Variants in NFATC2 observed in about 807,000 individuals in gnomAD.
The protein encoded by NFATC2 is nuclear factor of activated T-cells, cytoplasmic 2.
In NFATC2, 22 loss-of-function variants were observed where a neutral mutation model predicts 87.3. That is an observed-to-expected ratio of 0.25 (90% CI 0.18 to 0.36). NFATC2 has a LOEUF of 0.36. NFATC2 is among the 10% of genes least tolerant of loss of function. NFATC2 has a pLI of 1.00. For synonymous variants in NFATC2, 565 were observed against 542.2 expected (o/e 1.04, Z -0.58); for missense variants, 1,149 against 1,259.1 (o/e 0.91, Z 1.32).
At chr20:51,493,407 C>G (rs3787193) in intron 3 of NFATC2, among the ~76,000 whole-genome samples, 95,830 of 152,014 alleles carry the variant, frequency 0.63, 32,246 homozygotes, top group African/African-American at 0.88. Context: ...GATTGGCGAC[C>G]TCACATTGCA....
At chr20:51,400,307 CTCAGGCA>C (rs887181670) in intron 9 of NFATC2, among the ~76,000 whole-genome samples, 3 of 152,180 alleles carry the variant, frequency 2.0e-5, no homozygotes, top group Non-Finnish European at 4.4e-5. Flanking sequence ...TTCAGTGGAT[CTCAGGCA>C]TCAGGCACAG....
At chr20:51,492,636 G>A (rs1416897577) in intron 3 of NFATC2, among the ~76,000 whole-genome samples, 1 of 152,174 alleles carries the variant, frequency 6.6e-6, no homozygotes, top group East Asian at 1.9e-4. Context: ...GCTGGCACCC[G>A]CCCGGGCCCG....
At chr20:51,397,698 C>T (rs1237569110) in intron 10 of NFATC2, among the ~76,000 whole-genome samples, 1 of 152,140 alleles carries the variant, frequency 6.6e-6, no homozygotes, top group African/African-American at 2.4e-5. Flanking sequence ...CTCCTCCCCC[C>T]AGGGCTTCCT....
At chr20:51,494,153 G>A (rs2075948413) in intron 3 of NFATC2, among the ~76,000 whole-genome samples, 1 of 151,832 alleles carries the variant, frequency 6.6e-6, no homozygotes, top group African/African-American at 2.4e-5. Flanking sequence ...TTGGTTATGA[G>A]TCCTCTTTTG....
intron 9 of NFATC2, among the ~76,000 whole-genome samples, chr20:51,412,453 G>A (rs528686126): frequency 2.6e-5 from 4 of 152,326 alleles, no homozygotes; most frequent in African/African-American, 9.6e-5. Flanking sequence ...GCCAGGGGGT[G>A]GGCAGGAGCA....
At chr20:51,452,035 G>A (rs1178106731) in intron 6 of NFATC2, among the ~76,000 whole-genome samples, 1 of 152,180 alleles carries the variant, frequency 6.6e-6, no homozygotes, top group Non-Finnish European at 1.5e-5. Flanking sequence ...TGTCTTCCAT[G>A]CAACTGGTCC....
chr20:51,510,024 G>A (rs1260040389), intron 3 of NFATC2, among the ~76,000 whole-genome samples: 2 of 152,220 alleles, frequency 1.3e-5, no homozygotes, highest in Non-Finnish European at 2.9e-5. Flanking sequence ...TTTTCCACAT[G>A]TCTGAACATC....
chr20:51,473,953 A>C, intron 5 of NFATC2, 27 bp downstream of exon 5: 1 of 1,605,862 alleles, frequency 6.2e-7, no homozygotes, highest in Non-Finnish European at 8.5e-7. Context: ...TTTCTGAAGA[A>C]AGACCGGGCC....
At chr20:51,526,774 C>G (rs2076552326) in intron 1 of NFATC2, among the ~76,000 whole-genome samples, 1 of 152,084 alleles carries the variant, frequency 6.6e-6, no homozygotes, top group African/African-American at 2.4e-5. Context: ...AATGGCTCCC[C>G]ACAGCTCTTA....
chr20:51,424,825 A>G (rs1383719450), intron 9 of NFATC2, among the ~76,000 whole-genome samples: 1 of 151,200 alleles, frequency 6.6e-6, no homozygotes, highest in African/African-American at 2.4e-5. Flanking sequence ...ATACATGTGT[A>G]TTTGCATATG....
At chr20:51,555,531 T>A (rs2076970947) in intron 1 of NFATC2, among the ~76,000 whole-genome samples, 1 of 151,584 alleles carries the variant, frequency 6.6e-6, no homozygotes, top group African/African-American at 2.4e-5. Context: ...AGGCAGAGCT[T>A]ACAGTAAGCT....
chr20:51,393,263 C>CA (rs11086332), intron 10 of NFATC2, among the ~76,000 whole-genome samples: 84,988 of 151,848 alleles, frequency 0.56, 24,151 homozygotes, highest in East Asian at 0.68. Flanking sequence ...GCCTTGGTGA[C>CA]AAAACCACTC....
chr20:51,547,647 A>G (rs958257793), upstream of NFATC2, among the ~76,000 whole-genome samples: 7 of 152,176 alleles, frequency 4.6e-5, no homozygotes, highest in Admixed American at 6.5e-5. Flanking sequence ...CTCAGTGTGA[A>G]TGTGTCCAAA....
chr20:51,470,622 C>T (rs1988116063), intron 5 of NFATC2, among the ~76,000 whole-genome samples: 2 of 152,232 alleles, frequency 1.3e-5, no homozygotes, highest in South Asian at 4.1e-4. Flanking sequence ...CACCAACTCA[C>T]TCTCCCTGTC....
intron 3 of NFATC2, among the ~76,000 whole-genome samples, chr20:51,485,231 G>A (rs909146289): frequency 3.3e-5 from 5 of 152,292 alleles, no homozygotes; most frequent in East Asian, 1.9e-4. Context: ...AGGACCAAAC[G>A]CTGCACCCCA....
intron 9 of NFATC2, among the ~76,000 whole-genome samples, chr20:51,400,891 C>CTAGTCCTGGGCTAGG (rs2146238903): frequency 6.6e-6 from 1 of 152,290 alleles, no homozygotes; most frequent in Non-Finnish European, 1.5e-5. Flanking sequence ...TCTATGGGTA[C>CTAGTCCTGGGCTAGG]TAGTCCTGGG....
At chr20:51,398,467 G>A (rs557623126) in intron 10 of NFATC2, among the ~76,000 whole-genome samples, 176 bp downstream of exon 10, 1 of 152,154 alleles carries the variant, frequency 6.6e-6, no homozygotes, top group Non-Finnish European at 1.5e-5. Flanking sequence ...TCTCAGGGAG[G>A]TCCCCAGGAG....
chr20:51,549,879 G>A (rs1327928057), intron 1 of NFATC2, among the ~76,000 whole-genome samples: 2 of 152,214 alleles, frequency 1.3e-5, no homozygotes, highest in Admixed American at 6.5e-5. Context: ...ATGCTCTGCT[G>A]TTGACATTTT....
At chr20:51,457,843 G>C (rs1182597661) in intron 5 of NFATC2, among the ~76,000 whole-genome samples, 1 of 151,772 alleles carries the variant, frequency 6.6e-6, no homozygotes, top group Admixed American at 6.6e-5. Context: ...AATTAGAATG[G>C]GAATGGGAAG....
Sources: allele counts gnomAD v4.1 joint callset (sites outside exome capture counted in the v4.1 genomes callset), GRCh38; gene constraint gnomAD v4.1.1; transcripts MANE v1.5; gene names NCBI Gene and HGNC (gene_info 2026-07-23, HGNC 2026-07-21).